The following SEC61A2 variants were observed in gnomAD, a reference collection of about 807,000 sequenced individuals.
SEC61A2 encodes the protein protein transport protein Sec61 subunit alpha isoform 2.
In SEC61A2, 28 loss-of-function variants were observed where a neutral mutation model predicts 59.9. That is an observed-to-expected ratio of 0.47 (90% CI 0.35 to 0.64). The LOEUF (loss-of-function observed/expected upper bound fraction) is 0.64. Ranked by LOEUF, SEC61A2 falls within the 30% of genes least tolerant of loss-of-function variation. The pLI is 0.01. For synonymous variants in SEC61A2, 202 were observed against 214.4 expected, an observed-to-expected ratio of 0.94 and a Z score of 0.50; for missense variants, 340 against 585.9, an observed-to-expected ratio of 0.58 and a Z score of 4.33.
rs1001251957 is a variant in SEC61A2, at chr10:12,129,893, C to T, written c.7+99C>T. On this transcript the variant is annotated intron_variant, in intron 1 of 11. Transcript: ENST00000298428. This position sits in a 1 kb window ranked among gnomAD's most constrained non-coding sequence, Gnocchi z 5.6. The stretch of plus-strand genomic sequence containing the variant: ...GGCGCTCGCTCGGAGTCGTGGGGGC[C>T]AGGGATGCGCGGGCCGCTCCGGGCC... The T allele has an allele frequency of 8.1e-6, 9 of 1,106,362 alleles. No individual in the cohort carries two copies. Among genetic ancestry groups the T allele is most frequent in the Admixed American group, 8.6e-5 (2 of 23,270 alleles). The allele number at this position is 1,106,362 out of a possible 1,614,324, so 68.5% of individuals were successfully genotyped here.
chr10:12,168,452 G>T (rs1362596714), downstream of SEC61A2, among the ~76,000 whole-genome samples: 1 of 152,150 alleles, frequency 6.6e-6, no homozygotes, highest in African/African-American at 2.4e-5. The surrounding 1 kb of genome is among the most constrained non-coding windows in gnomAD (Gnocchi z 4.8). Flanking sequence ...AGGATCTTAG[G>T]GATTCCATCT....
chr10:12,169,361 A>G (rs1276059480), downstream of SEC61A2: 2 of 1,434,598 alleles, frequency 1.4e-6, no homozygotes, highest in Non-Finnish European at 1.9e-6. The surrounding 1 kb of genome is among the most constrained non-coding windows in gnomAD (Gnocchi z 4.8). Context: ...ACACTTGCCT[A>G]CGTCACCCTG....
rs921653529 is a variant in SEC61A2, at chr10:12,160,468, A to G, written c.976-462A>G. Among the ~76,000 whole-genome samples, 69 of 152,246 alleles carry G rather than the reference A, an allele frequency of 4.5e-4. No homozygotes were observed. Among genetic ancestry groups the G allele is most frequent in the South Asian group, 4.1e-4 (2 of 4,832 alleles). ...TTATTAAAAGATTGCTCCTTATAAC[A>G]TAGAAACCACATAAAGTCTAGGCAG... On this transcript the variant is annotated intron_variant, in intron 9 of 11. Transcript: ENST00000298428. This position sits in a 1 kb window ranked among gnomAD's most constrained non-coding sequence, Gnocchi z 4.1.
Position 12,152,492 on chromosome 10 carries a change from G to A in SEC61A2, c.462+2531G>A, listed in dbSNP as rs930234173. 2.0e-5 allele frequency among the ~76,000 whole-genome samples: 3 copies of A among 152,188 alleles called. No individual in the cohort carries two copies. The highest frequency in any genetic ancestry group is 7.2e-5 in the African/African-American group (3 of 41,432). On this transcript the variant is annotated intron_variant, in intron 6 of 11. Transcript: ENST00000298428. The surrounding 1 kb of genome is among the most constrained non-coding windows in gnomAD (Gnocchi z 5.5). ...TAAAGAATAACTGTCAGATGTGGTG[G>A]CTCACACCTGTAATTCCAGCACTTT...
At chr10:12,151,500 CAG>C (rs1469016803) in intron 6 of SEC61A2, among the ~76,000 whole-genome samples, 2 of 148,838 alleles carry the variant, frequency 1.3e-5, no homozygotes, top group Non-Finnish European at 3.0e-5. Flanking sequence ...TTAGTAGAGA[CAG>C]GGTTTCACCA....
chr10:12,167,552 A>G, downstream of SEC61A2: 1 of 675,766 alleles, frequency 1.5e-6, no homozygotes, highest in Non-Finnish European at 2.4e-6. Context: ...ACCTGTAATT[A>G]CAATTCCATA....
At chr10:12,147,739 A>G (rs894281109) in intron 4 of SEC61A2, among the ~76,000 whole-genome samples, 1 of 151,822 alleles carries the variant, frequency 6.6e-6, no homozygotes, top group African/African-American at 2.4e-5. Flanking sequence ...GTGAGGCATG[A>G]GGCATGAGGT....
In SEC61A2 at chr10:12,153,824, C is replaced by T. The variant is rs1564413958; in HGVS notation, c.463-1954C>T. 1 of 1,592,286 alleles carries T rather than the reference C, an allele frequency of 6.3e-7. No individual in the cohort carries two copies. The highest frequency in any genetic ancestry group is 2.3e-5 in the East Asian group (1 of 44,126). On this transcript the variant is annotated intron_variant, in intron 6 of 11. Transcript: ENST00000298428. This position sits in a 1 kb window ranked among gnomAD's most constrained non-coding sequence, Gnocchi z 5.2. ...CACCCAGAAACATAGGTTTTGAAAA[C>T]TGTTTGCATGCCGTTGTGGAAGGTA... is the stretch of plus-strand genomic sequence containing the variant.
rs1210777637 is a variant in SEC61A2 at position 12,154,372 on chromosome 10, T to C, written c.463-1406T>C. 6.6e-6 allele frequency among the ~76,000 whole-genome samples: 1 copy of C among 152,010 alleles called. No homozygotes were observed. Among genetic ancestry groups the C allele is most frequent in the African/African-American group, 2.4e-5 (1 of 41,396 alleles). Reference sequence around the variant, plus strand: ...GAACAGGGGGTGTGGAGAATTAGAGTTGTTTCAGAGCTGCTGTGGGACTCT... The same window carrying C: ...GAACAGGGGGTGTGGAGAATTAGAGCTGTTTCAGAGCTGCTGTGGGACTCT... On this transcript the variant is annotated intron_variant, in intron 6 of 11. Coordinates refer to ENST00000298428, the MANE Select transcript of SEC61A2 (RefSeq NM_018144.4). This position sits in a 1 kb window ranked among gnomAD's most constrained non-coding sequence, Gnocchi z 5.2.
In SEC61A2 at chr10:12,155,897, G is replaced by C. The variant is rs1346306177; in HGVS notation, c.582G>C (p.Lys194Asn). The part of the protein sequence containing the change: ...ATNICETIVW[K>N]AFSPTTINTG... ...ACATCTGTGAGACCATTGTCTGGAA[G>C]GCCTTTAGTCCCACTACCATTAACA... Residue 194 changes from lysine to asparagine, a missense_variant, in exon 7 of 12, where the codon AAG (lysine) becomes AAC (asparagine). Lys to Asn is a moderately conservative substitution (Grantham distance 94). Coordinates refer to ENST00000298428, the MANE Select transcript of SEC61A2 (RefSeq NM_018144.4). This position sits in a 1 kb window ranked among gnomAD's most constrained non-coding sequence, Gnocchi z 4.3. The C allele has an allele frequency of 6.2e-7, 1 of 1,614,214 alleles. No individual in the cohort carries two copies. The highest frequency in any genetic ancestry group is 1.3e-5 in the African/African-American group (1 of 75,052).
chr10:12,166,804 C>T (rs1942230071), downstream of SEC61A2: 2 of 475,284 alleles, frequency 4.2e-6, no homozygotes, highest in Non-Finnish European at 8.7e-6. Context: ...GGCCCAGGAA[C>T]ACTGGTAGAA....
intron 2 of SEC61A2, 71 bp downstream of exon 2, chr10:12,133,379 T>A (rs977487628): frequency 5.3e-6 from 4 of 761,420 alleles, no homozygotes; most frequent in Non-Finnish European, 6.8e-6. Context: ...AAAATTCATT[T>A]CCTTACCTCA....
downstream of SEC61A2, chr10:12,169,255 A>G: frequency 1.9e-6 from 3 of 1,544,666 alleles, no homozygotes; most frequent in Non-Finnish European, 2.6e-6. This position sits in a 1 kb window ranked among gnomAD's most constrained non-coding sequence, Gnocchi z 4.8. Flanking sequence ...TCCCTTTTCT[A>G]AGACCAAAAG....
chr10:12,165,257 T>TG lies in SEC61A2; in HGVS notation c.*808dup. The TG allele has an allele frequency of 1.0e-6, 1 of 985,402 alleles. No individual in the cohort carries two copies. The allele number at this position is 985,402 out of a possible 1,614,324, so 61.0% of individuals were successfully genotyped here. On this transcript the variant is annotated 3_prime_UTR_variant, in exon 12 of 12. Coordinates refer to ENST00000298428, the MANE Select transcript of SEC61A2 (RefSeq NM_018144.4). Reference sequence around the variant, plus strand: ...TTCTCAAGCAATGTCTGTAGTTCAGTGGGGGTGAACAATGAATATATTCAT... The same window carrying TG: ...TTCTCAAGCAATGTCTGTAGTTCAGTGGGGGGTGAACAATGAATATATTCAT...
Position 12,164,551 on chromosome 10 carries a change from C to G in SEC61A2, c.*97C>G. The G allele has an allele frequency of 6.6e-7, 1 of 1,516,254 alleles. No homozygotes were observed. The highest frequency in any genetic ancestry group is 8.8e-7 in the Non-Finnish European group (1 of 1,136,978). The allele number at this position is 1,516,254 out of a possible 1,614,324, so 93.9% of individuals were successfully genotyped here. A position where few individuals can be genotyped will look rare whatever the true frequency, so the allele number is the denominator to read the frequency against. On this transcript the variant is annotated 3_prime_UTR_variant, in exon 12 of 12. Coordinates refer to ENST00000298428, the MANE Select transcript of SEC61A2 (RefSeq NM_018144.4). This position sits in a 1 kb window ranked among gnomAD's most constrained non-coding sequence, Gnocchi z 7.3. ...TGGTGGCTCCCCTTTTCTCCCCTCA[C>G]AGTTTCTTGTTTCGAGTGCTGACTG... is the stretch of plus-strand genomic sequence containing the variant.
chr10:12,133,785 A>G (rs1833818404), intron 2 of SEC61A2, among the ~76,000 whole-genome samples: 2 of 152,362 alleles, frequency 1.3e-5, no homozygotes, highest in South Asian at 4.1e-4. Flanking sequence ...GAAAAATGAC[A>G]GGAATGCATT....
At position 12,162,129 on chromosome 10, in the gene SEC61A2, T is replaced by C. The variant is rs1834544598; in HGVS notation, c.1168-84T>C. The C allele has an allele frequency of 3.0e-6, 3 of 1,000,272 alleles. No individual in the cohort carries two copies. Among genetic ancestry groups the C allele is most frequent in the Non-Finnish European group, 4.8e-6 (3 of 629,730 alleles). The allele number at this position is 1,000,272 out of a possible 1,614,324, so 62.0% of individuals were successfully genotyped here. On this transcript the variant is annotated intron_variant, in intron 10 of 11. Transcript: ENST00000298428. This position sits in a 1 kb window ranked among gnomAD's most constrained non-coding sequence, Gnocchi z 6.1. ...TTATTGTATGTTACGTGTTAGTGTGTGGCGAGCACTTCGCATAGAACGTGG... is the reference window on the plus strand; with the variant it reads ...TTATTGTATGTTACGTGTTAGTGTGCGGCGAGCACTTCGCATAGAACGTGG...
Position 12,161,415 on chromosome 10 carries a change from C to T in SEC61A2, c.1167+294C>T, listed in dbSNP as rs1032941533. Reference sequence around the variant, plus strand: ...TGAGCCAAGATTGCACCACTGCACTCCAGCCTGGGTGACAGAGCGAGATCC... The same window carrying T: ...TGAGCCAAGATTGCACCACTGCACTTCAGCCTGGGTGACAGAGCGAGATCC... On this transcript the variant is annotated intron_variant, in intron 10 of 11. Coordinates refer to ENST00000298428, the MANE Select transcript of SEC61A2 (RefSeq NM_018144.4). This position sits in a 1 kb window ranked among gnomAD's most constrained non-coding sequence, Gnocchi z 5.4. Among the ~76,000 whole-genome samples the T allele has an allele frequency of 2.6e-5, 4 of 152,140 alleles. No individual in the cohort carries two copies. The highest frequency in any genetic ancestry group is 6.5e-5 in the Admixed American group (1 of 15,270).
chr10:12,137,185 T>G (rs1475041672), intron 3 of SEC61A2, among the ~76,000 whole-genome samples: 2 of 151,914 alleles, frequency 1.3e-5, no homozygotes, highest in Non-Finnish European at 2.9e-5. Context: ...GGACTGCAGG[T>G]GTGCCCCACC....
Sources: gnomAD v4.1 joint callset for allele counts (sites outside exome capture counted in the v4.1 genomes callset) on GRCh38, gnomAD v4.1.1 for gene constraint, Gnocchi (gnomAD v3.1) non-coding constraint, MANE v1.5 for transcripts, NCBI Gene and HGNC (gene_info 2026-07-23, HGNC 2026-07-21) for gene names.